Variants in FBXO42 observed in about 807,000 individuals in gnomAD.
FBXO42 encodes F-box only protein 42.
Under a neutral mutation model 71.7 loss-of-function variants are expected in FBXO42, and 12 were observed. The ratio of observed to expected loss-of-function variants is 0.17; its 90% confidence interval spans 0.11 to 0.27. FBXO42 has a LOEUF of 0.27. FBXO42 is among the 10% of genes least tolerant of loss of function. The pLI, the probability that FBXO42 is intolerant of heterozygous loss-of-function variation, is 1.00. For missense variants in FBXO42, 707 were observed against 911.9 expected (o/e 0.78, Z 2.89); for synonymous variants, 325 against 327.5 (o/e 0.99, Z 0.08).
rs552106993 is a variant in FBXO42, at chr1:16,351,072, T to C, written c.-18+1183A>G. On this transcript the variant is annotated intron_variant, in intron 1 of 9. Transcript: ENST00000375592. Reference sequence around the variant, plus strand: ...CTAAATATTCAATTCTAAATGATGGTACTTCCCCCAAATTTTCCTTGCCTC... The same window carrying C: ...CTAAATATTCAATTCTAAATGATGGCACTTCCCCCAAATTTTCCTTGCCTC... Among the ~76,000 whole-genome samples the C allele has an allele frequency of 3.3e-5, 5 of 152,328 alleles. No homozygotes were observed. The East Asian group carries it at 9.6e-4, about 29-fold the overall frequency.
chr1:16,249,209 G>A lies in FBXO42; in HGVS notation c.*1461C>T, dbSNP rs2081565223. The A allele has an allele frequency of 6.6e-6, 1 of 152,170 alleles. No individual in the cohort carries two copies. The highest frequency in any genetic ancestry group is 2.1e-4 in the South Asian group (1 of 4,832). The allele number at this position is 152,170 out of a possible 1,614,324, so 9.4% of individuals were successfully genotyped here. A position where few individuals can be genotyped will look rare whatever the true frequency, so the allele number is the denominator to read the frequency against. On this transcript the variant is annotated 3_prime_UTR_variant, in exon 10 of 10. Coordinates refer to ENST00000375592, the MANE Select transcript of FBXO42 (RefSeq NM_018994.3). ...GTGCCATTTGAAATAAACTTATTTT[G>A]ACATCTCCTATGCCCAGGCCATGGT...
At chr1:16,312,269 G>GGA (rs1486233514) in intron 2 of FBXO42, among the ~76,000 whole-genome samples, 1 of 152,086 alleles carries the variant, frequency 6.6e-6, no homozygotes, top group African/African-American at 2.4e-5. Flanking sequence ...GGCTGAGGAG[G>GGA]GAAGATGACT....
intron 2 of FBXO42, 114 bp from the exon 3 acceptor site, chr1:16,306,033 CTTTT>C (rs1476539907): frequency 2.5e-6 from 2 of 787,344 alleles, no homozygotes; most frequent in African/African-American, 3.6e-5. Context: ...TTTTTTTTTT[CTTTT>C]TTTGAGATGG....
chr1:16,291,121 ACT>A (rs2082072818), intron 4 of FBXO42, among the ~76,000 whole-genome samples: 1 of 152,150 alleles, frequency 6.6e-6, no homozygotes, highest in Non-Finnish European at 1.5e-5. Context: ...TCCTGTACAT[ACT>A]CTGTTAGAAG....
chr1:16,288,428 CA>C (rs1185309406), intron 4 of FBXO42, among the ~76,000 whole-genome samples: 1 of 147,984 alleles, frequency 6.8e-6, no homozygotes, highest in Admixed American at 6.7e-5. Flanking sequence ...GACTCCATCT[CA>C]AAAAAAATAA....
At position 16,249,795 on chromosome 1, in the gene FBXO42, G is replaced by A. The variant is rs1049508748; in HGVS notation, c.*875C>T. ...TTCACCACATATGAAAAAAAAAAAA[G>A]AAAAGAAAAAAGGTAGAAGAAAAAA... is the stretch of plus-strand genomic sequence containing the variant. On this transcript the variant is annotated 3_prime_UTR_variant, in exon 10 of 10. Transcript: ENST00000375592. 3.0e-4 allele frequency: 45 copies of A among 150,514 alleles called. No individual in the cohort carries two copies. The highest frequency in any genetic ancestry group is 1.3e-3 in the South Asian group (6 of 4,750). The allele number at this position is 150,514 out of a possible 1,614,324, so 9.3% of individuals were successfully genotyped here. A position where few individuals can be genotyped will look rare whatever the true frequency, so the allele number is the denominator to read the frequency against.
At chr1:16,262,733 C>T (rs1460324109) in intron 4 of FBXO42, among the ~76,000 whole-genome samples, 24 of 152,222 alleles carry the variant, frequency 1.6e-4, no homozygotes, top group Admixed American at 1.2e-3. Flanking sequence ...GGTCTCACTC[C>T]GGTTGCCCAG....
rs763803507 is a variant in FBXO42, at chr1:16,315,233, G to T, written c.186C>A (p.Leu62=). 1.2e-6 allele frequency: 2 copies of T among 1,614,030 alleles called. No homozygotes were observed. Among genetic ancestry groups the T allele is most frequent in the Non-Finnish European group, 1.7e-6 (2 of 1,180,016 alleles). The change falls in exon 2 of 10, where the codon CTC becomes CTA. Residue 62 remains leucine (L), a synonymous_variant. Coordinates refer to ENST00000375592, the MANE Select transcript of FBXO42 (RefSeq NM_018994.3). ...CAGTTTTGTGTTCCTGATACGGTGA[G>T]AGAAAGGACAGGATATACTCCAAAA... ...EEVLEYILSF[L]SPYQEHKTAA... is the part of the protein sequence containing the mutation.
intron 1 of FBXO42, among the ~76,000 whole-genome samples, chr1:16,328,221 T>C (rs1211017795): frequency 6.6e-6 from 1 of 152,116 alleles, no homozygotes; most frequent in Non-Finnish European, 1.5e-5. Flanking sequence ...TCCTAGATTA[T>C]GATAAAACAA....
chr1:16,271,361 A>G (rs2081843950), intron 4 of FBXO42, among the ~76,000 whole-genome samples: 2 of 150,106 alleles, frequency 1.3e-5, no homozygotes, highest in African/African-American at 4.9e-5. Flanking sequence ...GCTCACTGCA[A>G]CCTTCGCCTC....
At chr1:16,278,024 G>A (rs1215590095) in intron 4 of FBXO42, among the ~76,000 whole-genome samples, 17 of 149,340 alleles carry the variant, frequency 1.1e-4, no homozygotes, top group African/African-American at 4.2e-4. Context: ...CCTGGGTGAT[G>A]GAGTGACACC....
chr1:16,268,386 T>C (rs1256404379), intron 4 of FBXO42, among the ~76,000 whole-genome samples: 1 of 152,246 alleles, frequency 6.6e-6, no homozygotes, highest in Non-Finnish European at 1.5e-5. Flanking sequence ...GCATGTATTC[T>C]GGAAAAATCC....
At chr1:16,280,603 A>T (rs2081952773) in intron 4 of FBXO42, among the ~76,000 whole-genome samples, 1 of 152,144 alleles carries the variant, frequency 6.6e-6, no homozygotes, top group African/African-American at 2.4e-5. Context: ...TGTCAGATAT[A>T]TGGAAACTCT....
chr1:16,292,237 T>C (rs1557587786), intron 4 of FBXO42: 1 of 152,270 alleles, frequency 6.6e-6, no homozygotes, highest in Non-Finnish European at 1.5e-5. Flanking sequence ...ATTTCTACTT[T>C]GGGAATTTCA....
intron 6 of FBXO42, 25 bp downstream of exon 6, chr1:16,255,686 T>C: frequency 1.9e-6 from 3 of 1,591,222 alleles, no homozygotes; most frequent in South Asian, 2.2e-5. Flanking sequence ...TTCAGGCTCA[T>C]ATGGAGCAAA....
At chr1:16,288,186 T>C (rs1241319341) in intron 4 of FBXO42, among the ~76,000 whole-genome samples, 1 of 151,286 alleles carries the variant, frequency 6.6e-6, no homozygotes, top group East Asian at 2.0e-4. Flanking sequence ...AAGCGTGTAA[T>C]CCCAGGAGGC....
At position 16,325,896 on chromosome 1, in the gene FBXO42, G is replaced by A. The variant is rs188077910; in HGVS notation, c.-17-10461C>T. ...CCACCTCGGTCTCCTAGAGTGCTGG[G>A]ATTACAGGCGTGAGCCACCACACCT... is the stretch of plus-strand genomic sequence containing the variant. On this transcript the variant is annotated intron_variant, in intron 1 of 9. Coordinates refer to ENST00000375592, the MANE Select transcript of FBXO42 (RefSeq NM_018994.3). 1.1e-3 allele frequency among the ~76,000 whole-genome samples: 164 copies of A among 152,198 alleles called. 4 individuals carry two copies. Among genetic ancestry groups the A allele is most frequent in the Admixed American group, 0.011 (164 of 15,266 alleles).
chr1:16,251,662 C>G lies in FBXO42; in HGVS notation c.1162G>C (p.Glu388Gln), dbSNP rs2081593346. The part of the protein sequence containing the change: ...TPPALVPETR[E>Q]YRSQSPVRSM... ...CTTACTGGAGACTGAGAGCGGTACTCTCGGGTTTCAGGAACGAGAGCTGGA... is the reference window on the plus strand; with the variant it reads ...CTTACTGGAGACTGAGAGCGGTACTGTCGGGTTTCAGGAACGAGAGCTGGA... The change falls in exon 10 of 10, where the codon GAG (glutamate) becomes CAG (glutamine). Residue 388 changes from glutamate to glutamine, a missense_variant. Coordinates refer to ENST00000375592, the MANE Select transcript of FBXO42 (RefSeq NM_018994.3). The surrounding 1 kb of genome is among the most constrained non-coding windows in gnomAD (Gnocchi z 4.5). 1 of 1,614,158 alleles carries G rather than the reference C, an allele frequency of 6.2e-7. No homozygotes were observed. Among genetic ancestry groups the G allele is most frequent in the East Asian group, 2.2e-5 (1 of 44,876 alleles).
chr1:16,305,471 C>A (rs1433366381), intron 3 of FBXO42, among the ~76,000 whole-genome samples: 1 of 152,126 alleles, frequency 6.6e-6, no homozygotes, highest in Non-Finnish European at 1.5e-5. Context: ...AATCCCAGCA[C>A]TCTGGGAGGC....
Sources: allele counts gnomAD v4.1 joint callset (sites outside exome capture counted in the v4.1 genomes callset), GRCh38; gene constraint gnomAD v4.1.1; non-coding constraint Gnocchi (gnomAD v3.1); transcripts MANE v1.5; gene names NCBI Gene and HGNC (gene_info 2026-07-23, HGNC 2026-07-21).